The following CEP170B variants were observed in gnomAD, a reference collection of about 807,000 sequenced individuals.
The protein encoded by CEP170B is centrosomal protein of 170 kDa protein B.
A neutral mutation model predicts 120.6 loss-of-function variants in CEP170B; 55 were observed. The observed-to-expected ratio is 0.46, with a 90% CI of 0.37 to 0.57. CEP170B has a LOEUF of 0.57. CEP170B is among the 20% of genes least tolerant of loss of function. The probability of loss-of-function intolerance (pLI) is 0.00; values close to 1 mark genes in which losing one functional copy is unlikely to be tolerated. For synonymous variants in CEP170B, 1,033 were observed against 954.5 expected (o/e 1.08, Z -1.52); for missense variants, 2,212 against 2,253.3 (o/e 0.98, Z 0.37).
intron 2 of CEP170B, among the ~76,000 whole-genome samples, chr14:104,875,521 C>A (rs1448537651): frequency 6.6e-6 from 1 of 151,960 alleles, no homozygotes; most frequent in Non-Finnish European, 1.5e-5. Context: ...GCCGGGTGGG[C>A]AGCAGCCGTG....
chr14:104,885,532 C>T lies in CEP170B; in HGVS notation c.1934C>T (p.Ala645Val), dbSNP rs867713193. ...CGGCCACTGGGTGCGGCCCCCCAGG[C>T]GGAGCACCAGGTACAGGCACAGACG... Reference protein sequence around the residue: ...ASRPLGAAPQAEHQGLPVPGS... With the variant: ...ASRPLGAAPQVEHQGLPVPGS... The change falls in exon 10 of 19, where the codon GCG (alanine) becomes GTG (valine). Residue 645 changes from alanine to valine, a missense_variant. Transcript: ENST00000414716. 2.4e-5 allele frequency: 38 copies of T among 1,562,904 alleles called. 1 individual carries two copies. The Middle Eastern group carries it at 5.0e-4, about 21-fold the overall frequency.
chr14:104,885,635 G>A (rs1896444590), intron 10 of CEP170B, 93 bp downstream of exon 10: 7 of 1,453,050 alleles, frequency 4.8e-6, no homozygotes, highest in Non-Finnish European at 6.4e-6. Context: ...CCCATGGGGC[G>A]AGACTGGACT....
At position 104,886,950 on chromosome 14, in the gene CEP170B, A is replaced by T; in HGVS notation, c.2711A>T (p.Asp904Val). Residue 904 changes from aspartate to valine, a missense_variant, in exon 12 of 19, where the codon GAC (aspartate) becomes GTC (valine). Physicochemically the swap from Asp to Val is radical, Grantham distance 152. This residue lies in a region of CEP170B where 2,166 missense variants were observed against 2,166.7 expected (regional missense o/e 1.00). Transcript: ENST00000414716. ...GCCGCTACCCGGGCCGCACGCATGG[A>T]CTTCCACTCCCAGGACACCCACCTG... ...DLAATRAARMDFHSQDTHLIL... is the reference protein window; with the variant it reads ...DLAATRAARMVFHSQDTHLIL... 1 of 1,608,800 alleles carries T rather than the reference A, an allele frequency of 6.2e-7. No homozygotes were observed. The highest frequency in any genetic ancestry group is 8.5e-7 in the Non-Finnish European group (1 of 1,179,784).
intron 2 of CEP170B, among the ~76,000 whole-genome samples, chr14:104,871,048 C>G (rs1442397453): frequency 1.3e-5 from 2 of 151,998 alleles, no homozygotes; most frequent in Non-Finnish European, 2.9e-5. Flanking sequence ...CTGTTGCCCC[C>G]ACCTGAGGAT....
Position 104,886,687 on chromosome 14 carries a change from A to G in CEP170B, c.2448A>G (p.Pro816=), listed in dbSNP as rs775834484. The change falls in exon 12 of 19, where the codon CCA becomes CCG. Residue 816 remains proline, a synonymous_variant. Coordinates refer to ENST00000414716, the MANE Select transcript of CEP170B (RefSeq NM_001112726.3). ...AVLSRKPLAA[P]GDGEGLGQTA... The stretch of plus-strand genomic sequence containing the variant: ...TATCTAGGAAACCGCTTGCGGCTCC[A>G]GGGGATGGGGAGGGCCTAGGGCAGA... 2 of 1,553,526 alleles carry G rather than the reference A, an allele frequency of 1.3e-6. No homozygotes were observed. The highest frequency in any genetic ancestry group is 2.3e-5 in the East Asian group (1 of 44,336).
chr14:104,887,890 C>T lies in CEP170B; in HGVS notation c.3651C>T (p.Val1217=), dbSNP rs1427753463. Residue 1217 remains valine, a synonymous_variant, in exon 12 of 19, where the codon GTC becomes GTT. Coordinates refer to ENST00000414716, the MANE Select transcript of CEP170B (RefSeq NM_001112726.3). ...CCACCATGGCCGAAGCACGGGCTGT[C>T]TCCAGGAAGGCTGCCAACACAGCCA... ...RKPTMAEARA[V]SRKAANTATT... is the part of the protein sequence containing the mutation. 1 of 1,561,496 alleles carries T rather than the reference C, an allele frequency of 6.4e-7. No individual in the cohort carries two copies.
At chr14:104,865,215 G>C (rs1302500963), upstream of CEP170B, 1 of 144,568 alleles carries the variant, frequency 6.9e-6, no homozygotes, top group Non-Finnish European at 1.5e-5. This position sits in a 1 kb window ranked among gnomAD's most constrained non-coding sequence, Gnocchi z 6.7. Flanking sequence ...GGGCGGGGCG[G>C]GCGGGGGCGT....
chr14:104,866,955 C>T (rs557745769), intron 1 of CEP170B, among the ~76,000 whole-genome samples: 3 of 152,306 alleles, frequency 2.0e-5, no homozygotes, highest in African/African-American at 4.8e-5. Context: ...CTTGACTGGC[C>T]TCCTGAGTCA....
In CEP170B at chr14:104,867,613, G is replaced by T. The variant is rs1895264523; in HGVS notation, c.-27-811G>T. On this transcript the variant is annotated intron_variant, in intron 1 of 18. Coordinates refer to ENST00000414716, the MANE Select transcript of CEP170B (RefSeq NM_001112726.3). This position sits in a 1 kb window ranked among gnomAD's most constrained non-coding sequence, Gnocchi z 5.4. The stretch of plus-strand genomic sequence containing the variant: ...CTGGCTGGGTATAGGGCTGCCCAGG[G>T]TTGGGTCTTGGGGTGACATCAGCCC... Among the ~76,000 whole-genome samples, 1 of 152,146 alleles carries T rather than the reference G, an allele frequency of 6.6e-6. No individual in the cohort carries two copies. The highest frequency in any genetic ancestry group is 1.5e-5 in the Non-Finnish European group (1 of 68,020).
intron 6 of CEP170B, among the ~76,000 whole-genome samples, chr14:104,880,782 C>T (rs1457328498): frequency 6.6e-6 from 1 of 151,450 alleles, no homozygotes; most frequent in African/African-American, 2.4e-5. Context: ...CCATAGCTCT[C>T]ACTGCTGTGC....
chr14:104,886,235 G>A, intron 11 of CEP170B, 40 bp from the exon 12 acceptor site: 1 of 1,481,374 alleles, frequency 6.8e-7, no homozygotes, highest in Non-Finnish European at 8.9e-7. Flanking sequence ...AGGGCCTGCA[G>A]ACCAGCGGCC....
Position 104,880,442 on chromosome 14 carries a change from C to T in CEP170B, c.472+17C>T, listed in dbSNP as rs770053743. 82 of 1,608,792 alleles carry T rather than the reference C, an allele frequency of 5.1e-5. 1 individual carries two copies. Among genetic ancestry groups the T allele is most frequent in the Admixed American group, 2.5e-4 (15 of 59,586 alleles). On this transcript the variant is annotated intron_variant, in intron 6 of 18. Coordinates refer to ENST00000414716, the MANE Select transcript of CEP170B (RefSeq NM_001112726.3). ...CAGGAACAGGTAGGCCCAGGCAGTG[C>T]GGATGGGGTGAGCACACAGGGCCAC...
intron 13 of CEP170B, 147 bp downstream of exon 13, chr14:104,889,905 A>ATGGATGGATGGACGAATGG: frequency 7.3e-6 from 1 of 136,238 alleles, no homozygotes; most frequent in Non-Finnish European, 1.6e-5. Context: ...TGGATGGACA[A>ATGGATGGATGGACGAATGG]ATGGATGGAT....
In CEP170B at chr14:104,868,634, C is replaced by A; in HGVS notation, c.105+79C>A. On this transcript the variant is annotated intron_variant, in intron 2 of 18. Transcript: ENST00000414716. This position sits in a 1 kb window ranked among gnomAD's most constrained non-coding sequence, Gnocchi z 5.9. The stretch of plus-strand genomic sequence containing the variant: ...GTGGAGGCCAGGAAGGTGCCCACCC[C>A]ACTTGCTGCAGGCCACCCTGGCGAG... 2 of 1,355,616 alleles carry A rather than the reference C, an allele frequency of 1.5e-6. No individual in the cohort carries two copies. Among genetic ancestry groups the A allele is most frequent in the Non-Finnish European group, 1.0e-6 (1 of 994,358 alleles). 84.0% of individuals were successfully genotyped at this position (1,355,616 alleles called of 1,614,324 possible).
chr14:104,875,780 C>T (rs939467938), intron 2 of CEP170B, among the ~76,000 whole-genome samples: 1 of 152,148 alleles, frequency 6.6e-6, no homozygotes, highest in Non-Finnish European at 1.5e-5. Flanking sequence ...GGGGGGTGGT[C>T]CTGGGTGGGC....
intron 5 of CEP170B, among the ~76,000 whole-genome samples, chr14:104,879,810 A>C (rs1178916980): frequency 6.6e-6 from 1 of 152,072 alleles, no homozygotes; most frequent in Admixed American, 6.5e-5. Flanking sequence ...CCTCGCCCTC[A>C]CTTGTTCATG....
intron 3 of CEP170B, among the ~76,000 whole-genome samples, chr14:104,877,190 C>A (rs78630889): frequency 0.013 from 2,037 of 152,276 alleles, 31 homozygotes; most frequent in African/African-American, 0.029. Context: ...CCGCAGCATG[C>A]CTGTCTGATG....
intron 5 of CEP170B, among the ~76,000 whole-genome samples, chr14:104,879,282 G>A (rs537035879): frequency 2.6e-5 from 4 of 152,246 alleles, no homozygotes; most frequent in Non-Finnish European, 5.9e-5. Flanking sequence ...AGGATTTGGC[G>A]TTCCTCTGGG....
At chr14:104,892,264 G>A (rs1252408724) in intron 13 of CEP170B, among the ~76,000 whole-genome samples, 7 of 152,146 alleles carry the variant, frequency 4.6e-5, no homozygotes, top group African/African-American at 1.7e-4. Flanking sequence ...GCTGGGAGCT[G>A]CTCACGGGCC....
Sources: allele counts gnomAD v4.1 joint callset (sites outside exome capture counted in the v4.1 genomes callset), GRCh38; gene constraint gnomAD v4.1.1; regional missense constraint gnomAD v4.1.1; non-coding constraint Gnocchi (gnomAD v3.1); transcripts MANE v1.5; gene names NCBI Gene and HGNC (gene_info 2026-07-23, HGNC 2026-07-21).